RSF1: variants seen among roughly 807,000 people sequenced by gnomAD.
RSF1 encodes the protein remodeling and spacing factor 1.
A neutral mutation model predicts 145.2 loss-of-function variants in RSF1; 13 were observed. The observed-to-expected ratio is 0.09, with a 90% CI of 0.06 to 0.14. RSF1 has a LOEUF of 0.14. Ranked by LOEUF, RSF1 falls within the 10% of genes least tolerant of loss-of-function variation. RSF1 has a pLI of 1.00. For synonymous variants in RSF1, 577 were observed against 592.6 expected (o/e 0.97, Z 0.38); for missense variants, 1,517 against 1,718.2 (o/e 0.88, Z 2.07).
Position 77,663,006 on chromosome 11 carries a change from A to C in RSF1, c.*3911T>G, listed in dbSNP as rs1377127150. On this transcript the variant is annotated 3_prime_UTR_variant, in exon 16 of 16. Coordinates refer to ENST00000308488, the MANE Select transcript of RSF1 (RefSeq NM_016578.4). The stretch of plus-strand genomic sequence containing the variant: ...TTTATTTTTTCTGATACTTATCTGA[A>C]GTGTGTGCGTGTGCACACACACACA... 1 of 142,696 alleles carries C rather than the reference A, an allele frequency of 7.0e-6. No individual in the cohort carries two copies. The highest frequency in any genetic ancestry group is 1.6e-5 in the Non-Finnish European group (1 of 64,322). 8.8% of individuals were successfully genotyped at this position (142,696 alleles called of 1,614,324 possible).
chr11:77,834,079 C>T, the RSF1 span, among the ~76,000 whole-genome samples: 281 of 152,316 alleles, frequency 1.8e-3, 4 homozygotes, highest in Admixed American at 0.013. Flanking sequence ...CATTATATGT[C>T]TGTTTTTTAT....
intron 2 of RSF1, among the ~76,000 whole-genome samples, chr11:77,754,742 G>A (rs563202886): frequency 2.0e-5 from 3 of 151,110 alleles, no homozygotes; most frequent in South Asian, 2.1e-4. Context: ...ACCCTGTGTC[G>A]AAAAAAAAGA....
chr11:77,669,662 C>T (rs1301820735), intron 15 of RSF1, among the ~76,000 whole-genome samples: 5 of 152,204 alleles, frequency 3.3e-5, no homozygotes. Flanking sequence ...GATCAGCACA[C>T]ATATAATCAG....
chr11:77,831,862 A>ATT, the RSF1 span: 43 of 80,818 alleles, frequency 5.3e-4, 1 homozygote, highest in African/African-American at 1.0e-3. Flanking sequence ...TGCCTGGCTA[A>ATT]TTTTTTTTTT....
chr11:77,682,059 T>C (rs117828753), intron 11 of RSF1, among the ~76,000 whole-genome samples: 1 of 152,340 alleles, frequency 6.6e-6, no homozygotes, highest in East Asian at 1.9e-4. Context: ...AAATACATGT[T>C]ATGTTGCAGC....
chr11:77,752,551 C>T (rs1022847612), intron 2 of RSF1, among the ~76,000 whole-genome samples: 20 of 152,124 alleles, frequency 1.3e-4, no homozygotes, highest in African/African-American at 4.1e-4. Flanking sequence ...ATCCATTTTT[C>T]TGGGACCCCT....
At chr11:77,839,253 C>T in the RSF1 span, among the ~76,000 whole-genome samples, 1 of 152,174 alleles carries the variant, frequency 6.6e-6, no homozygotes, top group Admixed American at 6.5e-5. Flanking sequence ...ATCCTCCTGC[C>T]TCAGCCTCCT....
intron 2 of RSF1, among the ~76,000 whole-genome samples, chr11:77,748,843 C>T (rs533054878): frequency 2.8e-4 from 42 of 152,288 alleles, no homozygotes; most frequent in Non-Finnish European, 5.6e-4. Context: ...AAACGTACGT[C>T]TACACAAAAA....
rs918447177 is a variant in RSF1 at position 77,693,717 on chromosome 11, T to C, written c.2716-106A>G. 1.4e-5 allele frequency: 7 copies of C among 501,506 alleles called. No individual in the cohort carries two copies. The Admixed American group carries it at 2.1e-4, about 15-fold the overall frequency. The allele number at this position is 501,506 out of a possible 1,614,324, so 31.1% of individuals were successfully genotyped here. On this transcript the variant is annotated intron_variant, in intron 7 of 15. Transcript: ENST00000308488. ...AGTACTATACTGCAAAGCACTCTAT[T>C]TGCATAAAGCTAGTAAATAAAAAAG...
chr11:77,796,674 G>A (rs1000025307), intron 1 of RSF1, among the ~76,000 whole-genome samples: 4 of 152,142 alleles, frequency 2.6e-5, no homozygotes, highest in Non-Finnish European at 5.9e-5. Context: ...TCAGGCAACA[G>A]AAAGAAAGAA....
In RSF1 at chr11:77,726,372, G is replaced by A. The variant is rs566664021; in HGVS notation, c.579-673C>T. Among the ~76,000 whole-genome samples the A allele has an allele frequency of 9.2e-5, 14 of 152,186 alleles. No individual in the cohort carries two copies. The South Asian group carries it at 1.2e-3, about 14-fold the overall frequency. On this transcript the variant is annotated intron_variant, in intron 4 of 15. Coordinates refer to ENST00000308488, the MANE Select transcript of RSF1 (RefSeq NM_016578.4). ...GGCTGGAATGCAGTGACCTGATCAC[G>A]GCTCACGGTAACCTCAAATTCCCAG...
At chr11:77,793,290 G>C (rs1362229548) in intron 1 of RSF1, among the ~76,000 whole-genome samples, 2 of 152,218 alleles carry the variant, frequency 1.3e-5, no homozygotes, top group African/African-American at 4.8e-5. Flanking sequence ...AACCAGCCTT[G>C]TCTACATAGC....
At chr11:77,715,632 G>C (rs536959316) in intron 5 of RSF1, among the ~76,000 whole-genome samples, 5 of 152,248 alleles carry the variant, frequency 3.3e-5, no homozygotes, top group Non-Finnish European at 7.4e-5. Context: ...AATTTTAGTA[G>C]AGACGGGGTT....
At chr11:77,734,528 C>T in intron 4 of RSF1, 1 of 1,584,008 alleles carries the variant, frequency 6.3e-7, no homozygotes, top group Non-Finnish European at 8.6e-7. Flanking sequence ...AGATATTCTG[C>T]CAAGCCAGAT....
intron 9 of RSF1, among the ~76,000 whole-genome samples, chr11:77,689,377 T>A (rs1447471892): frequency 6.6e-6 from 1 of 152,208 alleles, no homozygotes; most frequent in East Asian, 1.9e-4. Context: ...TATTCACAAT[T>A]TGGCCTTACT....
the RSF1 span, chr11:77,841,210 A>G: frequency 2.8e-6 from 2 of 702,318 alleles, no homozygotes; most frequent in Admixed American, 4.0e-5. Context: ...CTCATGGCCT[A>G]ATCAGCTCTT....
the RSF1 span, among the ~76,000 whole-genome samples, chr11:77,860,798 T>C: frequency 6.6e-6 from 1 of 152,198 alleles, no homozygotes; most frequent in African/African-American, 2.4e-5. Context: ...TCCAGGACTG[T>C]AAACCACTCT....
At chr11:77,821,139 A>C (rs925279644), upstream of RSF1, 1 of 403,232 alleles carries the variant, frequency 2.5e-6, no homozygotes, top group African/African-American at 2.1e-5. Flanking sequence ...GTATTCCCGG[A>C]GGGCAGTTGG....
intron 7 of RSF1, among the ~76,000 whole-genome samples, chr11:77,698,021 C>T (rs914227607): frequency 6.6e-6 from 1 of 152,176 alleles, no homozygotes; most frequent in Non-Finnish European, 1.5e-5. Flanking sequence ...ATTTATCTAT[C>T]CAGCCATCCA....
Sources: allele counts gnomAD v4.1 joint callset (sites outside exome capture counted in the v4.1 genomes callset), GRCh38; gene constraint gnomAD v4.1.1; transcripts MANE v1.5; gene names NCBI Gene and HGNC (gene_info 2026-07-23, HGNC 2026-07-21).